Variants in TTC7B observed in about 807,000 individuals in gnomAD.
The protein encoded by TTC7B is tetratricopeptide repeat domain 7B.
Under a neutral mutation model 106.8 loss-of-function variants are expected in TTC7B, and 28 were observed. That is an observed-to-expected ratio of 0.26 (90% CI 0.19 to 0.36). The LOEUF is 0.36. TTC7B is among the 10% of genes least tolerant of loss of function. The pLI is 1.00. For missense variants in TTC7B, 862 were observed against 1,076.4 expected, an observed-to-expected ratio of 0.80 and a Z score of 2.79; for synonymous variants, 405 against 430.6, an observed-to-expected ratio of 0.94 and a Z score of 0.74.
intron 1 of TTC7B, among the ~76,000 whole-genome samples, chr14:90,799,119 C>T (rs192266726): frequency 7.9e-5 from 12 of 152,244 alleles, no homozygotes; most frequent in African/African-American, 2.6e-4. Context: ...TCCAGCCTCA[C>T]GCACCCGTGC....
At chr14:90,612,390 C>G (rs564069060) in intron 16 of TTC7B, among the ~76,000 whole-genome samples, 1 of 152,278 alleles carries the variant, frequency 6.6e-6, no homozygotes, top group East Asian at 1.9e-4. Flanking sequence ...TATTGCAATG[C>G]CCCTCCACTT....
In TTC7B at chr14:90,600,912, C is replaced by G. The variant is rs1302173700; in HGVS notation, c.1967-7286G>C. On this transcript the variant is annotated intron_variant, in intron 17 of 19. Coordinates refer to ENST00000328459, the MANE Select transcript of TTC7B (RefSeq NM_001010854.2). The surrounding 1 kb of genome is among the most constrained non-coding windows in gnomAD (Gnocchi z 4.3). The stretch of plus-strand genomic sequence containing the variant: ...CTGATGCATATTCATGAGGCTGTGT[C>G]TTGGGGTGGAAGTGCCTTCTGCCTG... Among the ~76,000 whole-genome samples, 1 of 152,174 alleles carries G rather than the reference C, an allele frequency of 6.6e-6. No homozygotes were observed. Among genetic ancestry groups the G allele is most frequent in the East Asian group, 1.9e-4 (1 of 5,188 alleles).
chr14:90,730,328 G>T, intron 4 of TTC7B, 132 bp from the exon 5 acceptor site: 2 of 1,029,196 alleles, frequency 1.9e-6, no homozygotes, highest in South Asian at 2.1e-5. Flanking sequence ...AGAGGCACAG[G>T]TGTAGAAGTG....
intron 17 of TTC7B, among the ~76,000 whole-genome samples, chr14:90,601,610 C>T (rs1892426596): frequency 6.6e-6 from 1 of 152,170 alleles, no homozygotes; most frequent in Non-Finnish European, 1.5e-5. Context: ...AAAACATCAG[C>T]ACAGATTTTT....
At chr14:90,677,110 C>T (rs527807369) in intron 8 of TTC7B, among the ~76,000 whole-genome samples, 1 of 152,232 alleles carries the variant, frequency 6.6e-6, no homozygotes, top group African/African-American at 2.4e-5. Context: ...CATTTCCCAA[C>T]ACCCAATTGT....
At chr14:90,726,277 G>A (rs777702699) in intron 5 of TTC7B, among the ~76,000 whole-genome samples, 2 of 152,194 alleles carry the variant, frequency 1.3e-5, no homozygotes, top group Non-Finnish European at 2.9e-5. Context: ...TGAATACCCA[G>A]TGCCACCGCG....
chr14:90,610,924 G>T, intron 16 of TTC7B, 85 bp from the exon 17 acceptor site: 3 of 873,816 alleles, frequency 3.4e-6, no homozygotes, highest in Non-Finnish European at 5.9e-6. Flanking sequence ...ACTCCTGAAG[G>T]CCAATGAATA....
chr14:90,649,944 T>C lies in TTC7B; in HGVS notation c.1517+2897A>G, dbSNP rs915572446. 6.1e-5 allele frequency among the ~76,000 whole-genome samples: 9 copies of C among 147,072 alleles called. No individual in the cohort carries two copies. The South Asian group carries it at 1.2e-3, about 19-fold the overall frequency. On this transcript the variant is annotated intron_variant, in intron 13 of 19. Coordinates refer to ENST00000328459, the MANE Select transcript of TTC7B (RefSeq NM_001010854.2). The stretch of plus-strand genomic sequence containing the variant: ...CAGAGGGAGAGACCCAGAATGACCA[T>C]CATCATCGTGCAGTGGGAGCAGTGC...
At position 90,578,128 on chromosome 14, in the gene TTC7B, T is replaced by C; in HGVS notation, c.2288A>G (p.His763Arg). 6.2e-7 allele frequency: 1 copy of C among 1,612,020 alleles called. No homozygotes were observed. The highest frequency in any genetic ancestry group is 8.5e-7 in the Non-Finnish European group (1 of 1,179,240). The change falls in exon 19 of 20, where the codon CAC (histidine) becomes CGC (arginine). Residue 763 changes from histidine (H) to arginine (R), a missense_variant. Transcript: ENST00000328459. This position sits in a 1 kb window ranked among gnomAD's most constrained non-coding sequence, Gnocchi z 4.7. ...CACCAGTCGCTGCATGCTCTTCACG[T>C]GGGTGGGGCTGATGGCTAAGGCCTC... ...YEEALAISPT[H>R]VKSMQRLALI...
intron 4 of TTC7B, among the ~76,000 whole-genome samples, chr14:90,743,794 G>T (rs1413551558): frequency 6.6e-6 from 1 of 152,108 alleles, no homozygotes; most frequent in Admixed American, 6.5e-5. Flanking sequence ...AAAAATCGAG[G>T]CTGAGAGGTG....
intron 15 of TTC7B, among the ~76,000 whole-genome samples, chr14:90,636,689 G>C (rs575797723): frequency 6.6e-6 from 1 of 152,054 alleles, no homozygotes; most frequent in African/African-American, 2.4e-5. Context: ...TGTATATATA[G>C]TCTTTAAACA....
At chr14:90,693,955 A>T (rs943421494) in intron 6 of TTC7B, among the ~76,000 whole-genome samples, 4 of 152,210 alleles carry the variant, frequency 2.6e-5, no homozygotes. Context: ...GAAACAACCC[A>T]ATGTCCATCA....
chr14:90,575,007 C>A lies in TTC7B; in HGVS notation c.2310+3099G>T, dbSNP rs563984775. On this transcript the variant is annotated intron_variant, in intron 19 of 19. Coordinates refer to ENST00000328459, the MANE Select transcript of TTC7B (RefSeq NM_001010854.2). The surrounding 1 kb of genome is among the most constrained non-coding windows in gnomAD (Gnocchi z 5.2). Reference sequence around the variant, plus strand: ...CTGACCCTGGCCTCCCTGGCCTCCCCCTCGCCGCTCTCCCTGTGTGCCAGG... The same window carrying A: ...CTGACCCTGGCCTCCCTGGCCTCCCACTCGCCGCTCTCCCTGTGTGCCAGG... Among the ~76,000 whole-genome samples, 4 of 152,228 alleles carry A rather than the reference C, an allele frequency of 2.6e-5. No homozygotes were observed. Among genetic ancestry groups the A allele is most frequent in the South Asian group, 2.1e-4 (1 of 4,814 alleles).
At chr14:90,643,440 T>C (rs796174640) in intron 15 of TTC7B, among the ~76,000 whole-genome samples, 54 of 152,022 alleles carry the variant, frequency 3.6e-4, no homozygotes, top group African/African-American at 1.3e-3. Flanking sequence ...CTATTAAAAA[T>C]GTTCATCCAC....
chr14:90,727,425 T>C (rs1162165933), intron 5 of TTC7B, among the ~76,000 whole-genome samples: 2 of 152,200 alleles, frequency 1.3e-5, no homozygotes, highest in Non-Finnish European at 2.9e-5. Flanking sequence ...GCAATACTGC[T>C]CACATTGCCC....
At chr14:90,665,377 G>A (rs182505519) in intron 9 of TTC7B, among the ~76,000 whole-genome samples, 3 of 152,342 alleles carry the variant, frequency 2.0e-5, no homozygotes, top group African/African-American at 4.8e-5. Flanking sequence ...CCTTTTGGTA[G>A]CAAGAGCTTA....
At chr14:90,589,897 T>C (rs1002033509) in intron 18 of TTC7B, among the ~76,000 whole-genome samples, 2 of 152,210 alleles carry the variant, frequency 1.3e-5, no homozygotes, top group Non-Finnish European at 1.5e-5. Flanking sequence ...CAGTAGAGTA[T>C]TGGTTAAATG....
chr14:90,733,266 C>T (rs759696434), intron 4 of TTC7B, among the ~76,000 whole-genome samples: 4 of 151,850 alleles, frequency 2.6e-5, no homozygotes, highest in Non-Finnish European at 4.4e-5. Flanking sequence ...AGAGGGGAAG[C>T]GGAGACTGCT....
intron 1 of TTC7B, among the ~76,000 whole-genome samples, chr14:90,788,008 C>T (rs1349806083): frequency 2.6e-5 from 4 of 152,108 alleles, no homozygotes; most frequent in Non-Finnish European, 5.9e-5. Context: ...ACTAAAAATA[C>T]AGGAAAACTA....
Sources: allele counts gnomAD v4.1 joint callset (sites outside exome capture counted in the v4.1 genomes callset), GRCh38; gene constraint gnomAD v4.1.1; non-coding constraint Gnocchi (gnomAD v3.1); transcripts MANE v1.5; gene names NCBI Gene and HGNC (gene_info 2026-07-23, HGNC 2026-07-21).